RABGAP1L: variants seen among roughly 807,000 people sequenced by gnomAD.
RABGAP1L encodes rab GTPase-activating protein 1-like.
In RABGAP1L, 63 loss-of-function variants were observed where a neutral mutation model predicts 137.7. The observed-to-expected ratio is 0.46, with a 90% CI of 0.37 to 0.56. RABGAP1L has a LOEUF of 0.56. Among genes scored for constraint, RABGAP1L ranks in the 20% least tolerant of loss-of-function variants. The probability of loss-of-function intolerance (pLI) is 0.00; values close to 1 mark genes in which losing one functional copy is unlikely to be tolerated. For synonymous variants in RABGAP1L, 431 were observed against 433.7 expected (o/e 0.99, Z 0.08); for missense variants, 1,095 against 1,244.0 (o/e 0.88, Z 1.80).
intron 18 of RABGAP1L, among the ~76,000 whole-genome samples, chr1:174,805,898 G>A (rs186651743): frequency 3.9e-5 from 6 of 152,234 alleles, no homozygotes; most frequent in Admixed American, 3.3e-4. Context: ...AATCTTATTC[G>A]TATTATCTTC....
At chr1:174,302,035 A>C (rs1252503402) in intron 10 of RABGAP1L, among the ~76,000 whole-genome samples, 1 of 152,206 alleles carries the variant, frequency 6.6e-6, no homozygotes, top group Non-Finnish European at 1.5e-5. Flanking sequence ...TGCCACTGTC[A>C]ATATAAAGAT....
chr1:174,400,972 C>T (rs1558202305), intron 13 of RABGAP1L, among the ~76,000 whole-genome samples: 2 of 151,776 alleles, frequency 1.3e-5, no homozygotes, highest in African/African-American at 2.4e-5. Flanking sequence ...CTCTAGGGAC[C>T]AAAGTTTAAA....
At chr1:174,486,223 C>CTTTTTTTTTTTTT (rs201692363) in intron 13 of RABGAP1L, among the ~76,000 whole-genome samples, 2 of 119,876 alleles carry the variant, frequency 1.7e-5, no homozygotes, top group East Asian at 2.5e-4. Flanking sequence ...GTTCTTTTTT[C>CTTTTTTTTTTTTT]TTTTTTTTTT....
At chr1:174,205,656 TTC>T (rs549238418) in intron 1 of RABGAP1L, among the ~76,000 whole-genome samples, 102 of 152,264 alleles carry the variant, frequency 6.7e-4, no homozygotes, top group African/African-American at 2.1e-3. Context: ...TCTAATTGTG[TTC>T]TCTCTTTTCT....
chr1:174,231,500 C>T, intron 4 of RABGAP1L, 145 bp downstream of exon 4: 1 of 739,520 alleles, frequency 1.4e-6, no homozygotes, highest in South Asian at 1.8e-5. Flanking sequence ...AGACTGTGTT[C>T]ATTGTTTGAA....
At chr1:174,923,486 C>G (rs1662161699) in intron 19 of RABGAP1L, among the ~76,000 whole-genome samples, 1 of 152,156 alleles carries the variant, frequency 6.6e-6, no homozygotes, top group Non-Finnish European at 1.5e-5. Flanking sequence ...TGAACTGGAG[C>G]TCAAAGCCTT....
intron 14 of RABGAP1L, among the ~76,000 whole-genome samples, chr1:174,682,290 C>T (rs1488463136): frequency 6.9e-6 from 1 of 144,948 alleles, no homozygotes; most frequent in Non-Finnish European, 1.5e-5. Flanking sequence ...CTCTCTCTCT[C>T]TCTCTCTATA....
intron 14 of RABGAP1L, among the ~76,000 whole-genome samples, chr1:174,671,206 A>G (rs1378946951): frequency 6.6e-6 from 1 of 152,180 alleles, no homozygotes; most frequent in Non-Finnish European, 1.5e-5. Flanking sequence ...TACTAAATTC[A>G]TTTATTAGTT....
At chr1:174,496,661 T>C (rs1660756647) in intron 13 of RABGAP1L, among the ~76,000 whole-genome samples, 1 of 152,204 alleles carries the variant, frequency 6.6e-6, no homozygotes, top group African/African-American at 2.4e-5. Flanking sequence ...AGGCAACCAA[T>C]TGCCTGACCT....
rs1458009112 is a variant in RABGAP1L at position 174,275,717 on chromosome 1, C to T, written c.1054-116C>T. The T allele has an allele frequency of 1.2e-5, 8 of 652,398 alleles. No individual in the cohort carries two copies. In the East Asian group the frequency reaches 2.4e-4, roughly 20 times the overall value. 40.4% of individuals were successfully genotyped at this position (652,398 alleles called of 1,614,324 possible). ...AAGAATTTACAGTGAATATAAAGCT[C>T]CTGCTTGACTGTTAATCTAAATTTT... On this transcript the variant is annotated intron_variant, in intron 8 of 25. Transcript: ENST00000681986.
At chr1:174,921,197 A>T (rs1409643315) in intron 19 of RABGAP1L, among the ~76,000 whole-genome samples, 2 of 152,218 alleles carry the variant, frequency 1.3e-5, no homozygotes. Flanking sequence ...TGCTGGGATT[A>T]CAGGCATGAG....
intron 13 of RABGAP1L, among the ~76,000 whole-genome samples, chr1:174,474,595 GATTATT>G (rs539324091): frequency 1.3e-5 from 2 of 151,760 alleles, no homozygotes; most frequent in South Asian, 2.1e-4. Context: ...TGATGATGAT[GATTATT>G]ATTATTATTA....
Position 174,991,169 on chromosome 1 carries a change from A to T in RABGAP1L, c.*1168A>T, listed in dbSNP as rs950749515. 2 of 152,248 alleles carry T rather than the reference A, an allele frequency of 1.3e-5. No homozygotes were observed. The highest frequency in any genetic ancestry group is 4.8e-5 in the African/African-American group (2 of 41,464). 9.4% of individuals were successfully genotyped at this position (152,248 alleles called of 1,614,324 possible). ...TGGAAAGGTAAAGCTATTGTTTAAA[A>T]ATTAGTGGAAATATTTTTTCAATTA... On this transcript the variant is annotated 3_prime_UTR_variant, in exon 26 of 26. Transcript: ENST00000681986.
chr1:174,944,050 C>T (rs1666329620), intron 19 of RABGAP1L, among the ~76,000 whole-genome samples: 1 of 151,956 alleles, frequency 6.6e-6, no homozygotes, highest in Non-Finnish European at 1.5e-5. Flanking sequence ...GTGGGCGGAT[C>T]ACTTGGGGTC....
chr1:174,382,947 G>A (rs1686304128), intron 12 of RABGAP1L, among the ~76,000 whole-genome samples: 1 of 150,584 alleles, frequency 6.6e-6, no homozygotes, highest in African/African-American at 2.4e-5. Flanking sequence ...TTTGATGATG[G>A]TGATGTACAG....
chr1:174,307,855 A>G (rs1400363931), intron 11 of RABGAP1L, among the ~76,000 whole-genome samples: 3 of 152,106 alleles, frequency 2.0e-5, no homozygotes, highest in African/African-American at 2.4e-5. Context: ...GCTAGATTAT[A>G]TGGTAGTTCT....
chr1:174,424,593 A>G (rs573595024), intron 13 of RABGAP1L, among the ~76,000 whole-genome samples: 4 of 152,206 alleles, frequency 2.6e-5, no homozygotes, highest in Non-Finnish European at 4.4e-5. Context: ...AGAAATTGAA[A>G]AGGTGCTAGA....
At chr1:174,297,472 G>A (rs972046572) in intron 10 of RABGAP1L, among the ~76,000 whole-genome samples, 49 of 152,186 alleles carry the variant, frequency 3.2e-4, no homozygotes, top group African/African-American at 1.2e-3. Flanking sequence ...CAAACAGGGC[G>A]AACTTCTCGA....
chr1:174,195,753 C>T (rs182316887), intron 1 of RABGAP1L, among the ~76,000 whole-genome samples: 1,382 of 119,128 alleles, frequency 0.012, 44 homozygotes, highest in African/African-American at 0.043. Context: ...CTTTCTTTCT[C>T]TCTTTCTCTC....
Sources: gnomAD v4.1 joint callset for allele counts (sites outside exome capture counted in the v4.1 genomes callset) on GRCh38, gnomAD v4.1.1 for gene constraint, MANE v1.5 for transcripts, NCBI Gene and HGNC (gene_info 2026-07-23, HGNC 2026-07-21) for gene names.